Variants in HMCN1 observed in about 807,000 individuals in gnomAD.
HMCN1 encodes hemicentin 1.
In HMCN1, 321 loss-of-function variants were observed where a neutral mutation model predicts 625.9. The observed-to-expected ratio is 0.51, with a 90% confidence interval of 0.47 to 0.56. The LOEUF is 0.56. HMCN1 is among the 20% of genes least tolerant of loss of function. HMCN1 has a pLI of 0.00. For synonymous variants in HMCN1, 2,425 were observed against 2,417.6 expected (o/e 1.00, Z -0.09); for missense variants, 6,588 against 6,887.3 (o/e 0.96, Z 1.54).
intron 10 of HMCN1, among the ~76,000 whole-genome samples, chr1:185,930,822 A>T (rs373369503): frequency 6.6e-6 from 1 of 151,876 alleles, no homozygotes; most frequent in Non-Finnish European, 1.5e-5. Context: ...TATTCTTTTC[A>T]TTACATTTGG....
intron 15 of HMCN1, among the ~76,000 whole-genome samples, chr1:185,976,106 A>T (rs891522537): frequency 4.6e-5 from 7 of 152,228 alleles, no homozygotes; most frequent in African/African-American, 7.2e-5. Context: ...GGTGATTGCT[A>T]TGAGAATGGT....
intron 29 of HMCN1, among the ~76,000 whole-genome samples, chr1:186,005,034 A>G (rs894244746): frequency 6.6e-6 from 1 of 151,982 alleles, no homozygotes; most frequent in Non-Finnish European, 1.5e-5. Context: ...AAAACTTTAG[A>G]TATCTTTGGG....
At position 186,172,104 on chromosome 1, in the gene HMCN1, A is replaced by C; in HGVS notation, c.15787A>C (p.Thr5263Pro). The change falls in exon 102 of 107, where the codon ACC becomes CCC. Residue 5263 changes from threonine to proline, a missense_variant. Around this residue, in one of 3 missense-constraint regions of HMCN1, gnomAD observed 1,954 missense variants for 2,013.1 expected, o/e 0.97. Coordinates refer to ENST00000271588, the MANE Select transcript of HMCN1 (RefSeq NM_031935.3). The part of the protein sequence containing the change: ...KCIDLCPNGM[T>P]KAENGTCIDI... ...CATTGATCTTTGTCCAAATGGAATG[A>C]CCAAGGCAGAAAATGGAACCTGTAT... 6.2e-7 allele frequency: 1 copy of C among 1,613,848 alleles called. No homozygotes were observed. The highest frequency in any genetic ancestry group is 8.5e-7 in the Non-Finnish European group (1 of 1,179,750).
intron 77 of HMCN1, among the ~76,000 whole-genome samples, chr1:186,118,711 A>T (rs1308404798): frequency 1.3e-5 from 2 of 152,234 alleles, no homozygotes; most frequent in African/African-American, 4.8e-5. Context: ...CAGCAGATGA[A>T]CCTCAAAAAC....
rs1413433754 is a variant in HMCN1 at position 186,045,803 on chromosome 1, C to T, written c.6420C>T (p.Asp2140=). 28 of 1,612,802 alleles carry T rather than the reference C, an allele frequency of 1.7e-5. No individual in the cohort carries two copies. Among genetic ancestry groups the T allele is most frequent in the Admixed American group, 8.3e-5 (5 of 59,956 alleles). The part of the protein sequence containing the change: ...IPPPTLTWLK[D]GHPLLKKPGL... ...CACCTACTCTTACTTGGTTAAAAGA[C>T]GGCCACCCCTTGCTGAAGAAACCAG... Residue 2140 remains aspartate (D), a synonymous_variant, in exon 41 of 107, where the codon GAC becomes GAT. Coordinates refer to ENST00000271588, the MANE Select transcript of HMCN1 (RefSeq NM_031935.3).
chr1:186,110,982 T>C (rs1478065490), intron 71 of HMCN1, among the ~76,000 whole-genome samples: 1 of 93,992 alleles, frequency 1.1e-5, no homozygotes, highest in Non-Finnish European at 2.1e-5. Context: ...AAATTCTTTT[T>C]TTTTTTTTTT....
intron 30 of HMCN1, among the ~76,000 whole-genome samples, chr1:186,013,517 A>C (rs1351344568): frequency 6.6e-6 from 1 of 152,150 alleles, no homozygotes; most frequent in Non-Finnish European, 1.5e-5. Flanking sequence ...TGATTACCAG[A>C]AAATATTAAG....
At position 186,153,787 on chromosome 1, in the gene HMCN1, A is replaced by G; in HGVS notation, c.15056A>G (p.Gln5019Arg). ...TEDYIQTGPG[Q>R]LYAYSTRLFT... is the part of the protein sequence containing the mutation. ...GACTACATTCAAACAGGTCCTGGGC[A>G]GCTGTACGCCTACTCAACCCGGCTG... The change falls in exon 97 of 107, where the codon CAG becomes CGG. Residue 5019 changes from glutamine (Q) to arginine (R), a missense_variant. Coordinates refer to ENST00000271588, the MANE Select transcript of HMCN1 (RefSeq NM_031935.3). 6.2e-7 allele frequency: 1 copy of G among 1,614,178 alleles called. No individual in the cohort carries two copies. The highest frequency in any genetic ancestry group is 1.1e-5 in the South Asian group (1 of 91,076).
At chr1:186,136,522 TATA>T in intron 86 of HMCN1, 143 bp from the exon 87 acceptor site, 7 of 729,576 alleles carry the variant, frequency 9.6e-6, no homozygotes, top group Non-Finnish European at 1.4e-5. Flanking sequence ...TAATGGCAAT[TATA>T]ATCTATAATC....
chr1:185,807,978 T>C (rs748222330), intron 1 of HMCN1, among the ~76,000 whole-genome samples: 36 of 152,142 alleles, frequency 2.4e-4, no homozygotes, highest in Non-Finnish European at 4.6e-4. Flanking sequence ...TGCTTCATAT[T>C]GAAATTTCTA....
chr1:185,982,643 G>A (rs1023025049), intron 18 of HMCN1, among the ~76,000 whole-genome samples: 7 of 151,628 alleles, frequency 4.6e-5, no homozygotes, highest in South Asian at 2.1e-4. Flanking sequence ...GTTTCACCAC[G>A]TTTGCCAGGC....
At chr1:186,148,935 CT>C (rs57126500) in intron 93 of HMCN1, among the ~76,000 whole-genome samples, 44,248 of 143,094 alleles carry the variant, frequency 0.31, 7,554 homozygotes, top group East Asian at 0.57. Flanking sequence ...TGAAAGGAAT[CT>C]TTTTTTTTTT....
chr1:185,906,552 A>G (rs748054992), intron 4 of HMCN1, among the ~76,000 whole-genome samples: 6 of 151,900 alleles, frequency 3.9e-5, no homozygotes, highest in Non-Finnish European at 5.9e-5. Flanking sequence ...CTAACAGACA[A>G]CAAGATAGCT....
intron 4 of HMCN1, among the ~76,000 whole-genome samples, chr1:185,894,236 T>C (rs1431801650): frequency 1.3e-5 from 2 of 152,224 alleles, no homozygotes; most frequent in East Asian, 3.8e-4. Flanking sequence ...TTCGTATAAA[T>C]GAAATCATAC....
At position 186,019,598 on chromosome 1, in the gene HMCN1, C is replaced by G. The variant is rs1184222218; in HGVS notation, c.5528C>G (p.Pro1843Arg). Residue 1843 changes from proline to arginine, a missense_variant, in exon 35 of 107, where the codon CCT becomes CGT. Around this residue, in one of 3 missense-constraint regions of HMCN1, gnomAD observed 4,628 missense variants for 4,853.1 expected, o/e 0.95. Coordinates refer to ENST00000271588, the MANE Select transcript of HMCN1 (RefSeq NM_031935.3). ...GAGAGAGTTGTGGTAAAATACAAGC[C>G]TGTCGCCTTGCAGTGCATAGCCAAT... ...LSERVVVKYK[P>R]VALQCIANGI... is the part of the protein sequence containing the mutation. 1.2e-6 allele frequency: 2 copies of G among 1,610,490 alleles called. No individual in the cohort carries two copies. The highest frequency in any genetic ancestry group is 1.7e-6 in the Non-Finnish European group (2 of 1,177,028).
intron 4 of HMCN1, among the ~76,000 whole-genome samples, chr1:185,875,809 A>G (rs1663891592): frequency 6.6e-6 from 1 of 151,970 alleles, no homozygotes; most frequent in African/African-American, 2.4e-5. Context: ...TTTTCTGGTC[A>G]TAACTCCTTT....
intron 103 of HMCN1, among the ~76,000 whole-genome samples, chr1:186,175,892 G>GAAAAGA (rs768255922): frequency 3.7e-5 from 5 of 135,084 alleles, no homozygotes; most frequent in African/African-American, 1.4e-4. Flanking sequence ...AAAAAAAAAA[G>GAAAAGA]AAAGAAAAGA....
At position 185,883,420 on chromosome 1, in the gene HMCN1, C is replaced by T. The variant is rs185447692; in HGVS notation, c.621+17557C>T. On this transcript the variant is annotated intron_variant, in intron 4 of 106. Transcript: ENST00000271588. Reference sequence around the variant, plus strand: ...TGCCCCCTTTCACTCACTTCTGCTCCCTGTCATTCAGGCTGTTGACAACTG... The same window carrying T: ...TGCCCCCTTTCACTCACTTCTGCTCTCTGTCATTCAGGCTGTTGACAACTG... Among the ~76,000 whole-genome samples the T allele has an allele frequency of 7.5e-4, 114 of 152,146 alleles. 1 individual carries two copies. Among genetic ancestry groups the T allele is most frequent in the South Asian group, 4.1e-4 (2 of 4,822 alleles).
At chr1:186,087,123 G>A in intron 58 of HMCN1, 94 bp from the exon 59 acceptor site, 1 of 799,960 alleles carries the variant, frequency 1.3e-6, no homozygotes, top group Non-Finnish European at 2.2e-6. Flanking sequence ...TTACTCTAAG[G>A]GGAAGGATAT....
Sources: gnomAD v4.1 joint callset for allele counts (sites outside exome capture counted in the v4.1 genomes callset) on GRCh38, gnomAD v4.1.1 for gene constraint, gnomAD v4.1.1 regional missense constraint, MANE v1.5 for transcripts, NCBI Gene and HGNC (gene_info 2026-07-23, HGNC 2026-07-21) for gene names.